The following SOX6 variants were observed in gnomAD, a reference collection of about 807,000 sequenced individuals.
SOX6 encodes the protein SRY-box transcription factor 6, also known as transcription factor SOX-6.
SOX6 carries 11 observed loss-of-function variants against 97.8 expected under a neutral mutation model. The observed-to-expected ratio is 0.11, with a 90% CI of 0.07 to 0.19. The LOEUF is 0.19. SOX6 is among the 10% of genes least tolerant of loss of function. SOX6 has a pLI of 1.00. For synonymous variants in SOX6, 360 were observed against 371.4 expected, an observed-to-expected ratio of 0.97 and a Z score of 0.35; for missense variants, 810 against 1,039.5, an observed-to-expected ratio of 0.78 and a Z score of 3.04.
At chr11:16,040,891 GTATAAAAA>G (rs1379783689) in intron 12 of SOX6, among the ~76,000 whole-genome samples, 1 of 152,058 alleles carries the variant, frequency 6.6e-6, no homozygotes, top group African/African-American at 2.4e-5. Flanking sequence ...ATAGAAAGCA[GTATAAAAA>G]TATTCATTGT....
At chr11:16,012,393 G>T (rs1854758460) in intron 13 of SOX6, among the ~76,000 whole-genome samples, 1 of 151,952 alleles carries the variant, frequency 6.6e-6, no homozygotes, top group African/African-American at 2.4e-5. Flanking sequence ...TATTAGAACA[G>T]GTAACTTGAC....
At position 16,266,408 on chromosome 11, in the gene SOX6, G is replaced by A. The variant is rs567574910; in HGVS notation, c.446-31737C>T. Among the ~76,000 whole-genome samples the A allele has an allele frequency of 1.1e-4, 17 of 151,628 alleles. No individual in the cohort carries two copies. The South Asian group carries it at 3.5e-3, about 32-fold the overall frequency. ...ATAGAATTTATCACCAGCAGATCTG[G>A]ACTGTAAGGAATATTAAAGGAAATC... is the stretch of plus-strand genomic sequence containing the variant. On this transcript the variant is annotated intron_variant, in intron 3 of 15. Coordinates refer to ENST00000683767, the MANE Select transcript of SOX6 (RefSeq NM_001367873.1).
At chr11:16,387,700 G>A (rs1386926697) in intron 1 of SOX6, among the ~76,000 whole-genome samples, 1 of 151,992 alleles carries the variant, frequency 6.6e-6, no homozygotes, top group East Asian at 1.9e-4. Flanking sequence ...AAGAATTAAT[G>A]CACAGTTAGA....
intron 13 of SOX6, among the ~76,000 whole-genome samples, chr11:16,002,125 A>G (rs921855326): frequency 2.6e-5 from 4 of 152,204 alleles, no homozygotes; most frequent in Non-Finnish European, 5.9e-5. Context: ...TTCTTTCAGG[A>G]CCAGCCTGAT....
At chr11:16,692,099 G>A (rs57400549) in intron 3 of SOX6, among the ~76,000 whole-genome samples, 3,502 of 141,764 alleles carry the variant, frequency 0.025, 143 homozygotes, top group African/African-American at 0.085. Flanking sequence ...GCGCGCGCGC[G>A]CTTTCTGAGT....
intron 9 of SOX6, among the ~76,000 whole-genome samples, chr11:16,087,232 T>G (rs973729099): frequency 6.6e-6 from 1 of 152,204 alleles, no homozygotes; most frequent in Admixed American, 6.5e-5. Context: ...TTTATACATG[T>G]ATACATATAT....
chr11:16,046,800 A>G (rs1855847281), intron 11 of SOX6, 99 bp from the exon 12 acceptor site: 1 of 1,212,942 alleles, frequency 8.2e-7, no homozygotes, highest in Admixed American at 1.9e-5. Context: ...TTCTCTGAAC[A>G]AGGAAGGGGT....
intron 4 of SOX6, among the ~76,000 whole-genome samples, chr11:16,483,294 C>T (rs1462964956): frequency 6.6e-6 from 1 of 152,042 alleles, no homozygotes; most frequent in African/African-American, 2.4e-5. Flanking sequence ...AAGAACAATA[C>T]TTGTGGGTGG....
At chr11:16,451,850 T>A (rs940903417) in intron 1 of SOX6, among the ~76,000 whole-genome samples, 2 of 151,796 alleles carry the variant, frequency 1.3e-5, no homozygotes, top group African/African-American at 4.8e-5. Context: ...CCTGGCAACA[T>A]AGTGAAACCC....
intron 3 of SOX6, among the ~76,000 whole-genome samples, chr11:16,245,971 T>C (rs1351438081): frequency 6.6e-6 from 1 of 151,432 alleles, no homozygotes; most frequent in Non-Finnish European, 1.5e-5. Context: ...TATTTTTAAT[T>C]TGTCCTTTGT....
chr11:16,135,385 C>A (rs1849934001), intron 6 of SOX6, among the ~76,000 whole-genome samples: 1 of 152,142 alleles, frequency 6.6e-6, no homozygotes, highest in Non-Finnish European at 1.5e-5. Flanking sequence ...TCAGACAAAT[C>A]TAGGCAAAAT....
At chr11:16,697,180 T>G (rs549491968) in intron 3 of SOX6, among the ~76,000 whole-genome samples, 1 of 152,218 alleles carries the variant, frequency 6.6e-6, no homozygotes, top group African/African-American at 2.4e-5. Flanking sequence ...TGCTTCCATA[T>G]CTACAGTTAC....
chr11:16,582,108 T>C (rs1006087462), intron 4 of SOX6, among the ~76,000 whole-genome samples: 4 of 151,942 alleles, frequency 2.6e-5, no homozygotes, highest in African/African-American at 9.7e-5. Context: ...GAGCCAAACA[T>C]TGGGTAAACA....
At chr11:16,066,251 C>T (rs1057018703) in intron 9 of SOX6, among the ~76,000 whole-genome samples, 3 of 152,060 alleles carry the variant, frequency 2.0e-5, no homozygotes, top group African/African-American at 7.2e-5. Flanking sequence ...ATCCAAAAGA[C>T]GGTCAATAAC....
At chr11:16,238,839 A>G (rs1433638637) in intron 3 of SOX6, among the ~76,000 whole-genome samples, 1 of 152,106 alleles carries the variant, frequency 6.6e-6, no homozygotes, top group Non-Finnish European at 1.5e-5. Flanking sequence ...GAGGAGAACA[A>G]TTACTGCTGG....
intron 3 of SOX6, among the ~76,000 whole-genome samples, chr11:16,651,218 C>T (rs1163999812): frequency 2.6e-5 from 4 of 151,782 alleles, no homozygotes; most frequent in Admixed American, 6.6e-5. Flanking sequence ...CCAACCTTAC[C>T]GAAACTATTC....
At chr11:16,415,647 G>A (rs1008815202) in intron 1 of SOX6, among the ~76,000 whole-genome samples, 2 of 152,034 alleles carry the variant, frequency 1.3e-5, no homozygotes, top group African/African-American at 2.4e-5. Context: ...ATTGTATACC[G>A]ATATTGAAAT....
intron 11 of SOX6, among the ~76,000 whole-genome samples, chr11:16,047,439 A>G (rs1274677701): frequency 3.9e-5 from 6 of 152,126 alleles, no homozygotes; most frequent in African/African-American, 1.4e-4. Flanking sequence ...TGGTTTTCGC[A>G]TAACTACAAA....
At chr11:15,974,751 T>C (rs754938683) in intron 15 of SOX6, among the ~76,000 whole-genome samples, 1 of 152,124 alleles carries the variant, frequency 6.6e-6, no homozygotes, top group Non-Finnish European at 1.5e-5. Context: ...AAACACTCTG[T>C]GAGATATTGG....
Sources: allele counts gnomAD v4.1 joint callset (sites outside exome capture counted in the v4.1 genomes callset), GRCh38; gene constraint gnomAD v4.1.1; transcripts MANE v1.5; gene names NCBI Gene and HGNC (gene_info 2026-07-23, HGNC 2026-07-21).